TMEM178B: variants seen among roughly 807,000 people sequenced by gnomAD.
TMEM178B encodes the protein transmembrane protein 178B.
In TMEM178B, 5 loss-of-function variants were observed where a neutral mutation model predicts 31.0. The ratio of observed to expected loss-of-function variants is 0.16; its 90% CI spans 0.08 to 0.34. TMEM178B has a LOEUF of 0.34. Among genes scored for constraint, TMEM178B ranks in the 10% least tolerant of loss-of-function variants. TMEM178B has a pLI of 1.00. For missense variants in TMEM178B, 275 were observed against 400.3 expected (o/e 0.69, Z 2.67); for synonymous variants, 164 against 164.0 (o/e 1.00, Z 0.00).
At chr7:141,151,186 G>A (rs1186646234) in intron 1 of TMEM178B, among the ~76,000 whole-genome samples, 1 of 152,208 alleles carries the variant, frequency 6.6e-6, no homozygotes, top group Non-Finnish European at 1.5e-5. Context: ...ATTGTTGAGT[G>A]TACAGCATCC....
the TMEM178B span, among the ~76,000 whole-genome samples, chr7:141,487,358 T>C: frequency 6.6e-6 from 1 of 152,094 alleles, no homozygotes; most frequent in Non-Finnish European, 1.5e-5. Flanking sequence ...AAAGGTCTTC[T>C]GCCCTCTGTA....
chr7:141,454,473 G>C (rs1801924301), intron 3 of TMEM178B, among the ~76,000 whole-genome samples: 1 of 152,040 alleles, frequency 6.6e-6, no homozygotes, highest in Non-Finnish European at 1.5e-5. Context: ...AGCCTTCCTG[G>C]GGTCAGGGCC....
intron 2 of TMEM178B, among the ~76,000 whole-genome samples, chr7:141,402,183 G>A (rs1355565596): frequency 6.6e-6 from 1 of 152,204 alleles, no homozygotes; most frequent in Non-Finnish European, 1.5e-5. Flanking sequence ...TACAAAGGAG[G>A]AGCCGCACAG....
intron 3 of TMEM178B, among the ~76,000 whole-genome samples, chr7:141,452,746 T>C (rs907134886): frequency 2.6e-5 from 4 of 152,192 alleles, no homozygotes; most frequent in African/African-American, 9.7e-5. Context: ...AAAAAAAATA[T>C]CTAGCAGAGA....
chr7:141,182,153 G>T (rs1796539674), intron 1 of TMEM178B, among the ~76,000 whole-genome samples: 1 of 152,018 alleles, frequency 6.6e-6, no homozygotes. Context: ...GGCCTGGACA[G>T]TCAGGGGTCT....
At chr7:141,377,040 T>C (rs1027805731) in intron 2 of TMEM178B, among the ~76,000 whole-genome samples, 3 of 152,000 alleles carry the variant, frequency 2.0e-5, no homozygotes, top group African/African-American at 7.3e-5. Flanking sequence ...AAAAAGAAAA[T>C]ATGCCCTAAG....
intron 2 of TMEM178B, among the ~76,000 whole-genome samples, chr7:141,409,475 C>A (rs1217069645): frequency 6.6e-6 from 1 of 152,160 alleles, no homozygotes; most frequent in Non-Finnish European, 1.5e-5. Flanking sequence ...ATGAGGATGG[C>A]AGTGAGTTGT....
chr7:141,254,996 G>A (rs1797903434), intron 2 of TMEM178B, among the ~76,000 whole-genome samples: 1 of 152,172 alleles, frequency 6.6e-6, no homozygotes, highest in South Asian at 2.1e-4. Context: ...CTGGTTCTCA[G>A]TAGAGGTGAG....
intron 1 of TMEM178B, among the ~76,000 whole-genome samples, chr7:141,204,604 G>A (rs1421622872): frequency 1.3e-5 from 2 of 152,210 alleles, no homozygotes; most frequent in Admixed American, 1.3e-4. Context: ...TGTAAATACA[G>A]CTTGTGGGTG....
chr7:141,357,129 A>G (rs1799833961), intron 2 of TMEM178B, among the ~76,000 whole-genome samples: 2 of 152,252 alleles, frequency 1.3e-5, no homozygotes, highest in South Asian at 4.1e-4. Context: ...ATATCCTCAA[A>G]TGAGGGCTCT....
chr7:141,348,172 T>C lies in TMEM178B; in HGVS notation c.497-89436T>C, dbSNP rs114105418. On this transcript the variant is annotated intron_variant, in intron 2 of 3. Coordinates refer to ENST00000565468, the MANE Select transcript of TMEM178B (RefSeq NM_001195278.2). ...GTTTTACGATAGCGGGTTGGTTTTT[T>C]ATCGTTGTTTCTTGTTGGTTCATTT... Among the ~76,000 whole-genome samples the C allele has an allele frequency of 7.4e-3, 1,131 of 152,350 alleles. 16 individuals carry two copies. The highest frequency in any genetic ancestry group is 0.026 in the African/African-American group (1,076 of 41,576).
intron 2 of TMEM178B, among the ~76,000 whole-genome samples, chr7:141,336,019 A>G (rs1158362321): frequency 2.0e-5 from 3 of 152,184 alleles, no homozygotes; most frequent in Non-Finnish European, 4.4e-5. Flanking sequence ...CCGTCTCACT[A>G]CTGACAATTG....
chr7:141,168,575 G>A (rs764174902), intron 1 of TMEM178B, among the ~76,000 whole-genome samples: 5 of 151,974 alleles, frequency 3.3e-5, no homozygotes, highest in Non-Finnish European at 7.4e-5. Context: ...AGTTTGAGAC[G>A]AGCCTGGCCA....
At chr7:141,429,704 T>C (rs1187146376) in intron 2 of TMEM178B, 1 of 152,236 alleles carries the variant, frequency 6.6e-6, no homozygotes, top group African/African-American at 2.4e-5. Context: ...TACGTGCTCC[T>C]CCCACAAAAG....
At chr7:141,338,702 C>T (rs1799466670) in intron 2 of TMEM178B, among the ~76,000 whole-genome samples, 1 of 152,172 alleles carries the variant, frequency 6.6e-6, no homozygotes. Flanking sequence ...AAACTGTCCC[C>T]CTGGCCAGCC....
At chr7:141,436,195 G>C (rs536379214) in intron 2 of TMEM178B, among the ~76,000 whole-genome samples, 1 of 152,306 alleles carries the variant, frequency 6.6e-6, no homozygotes, top group Admixed American at 6.5e-5. Flanking sequence ...TGGAGGGGAT[G>C]GGACCTGGAC....
At chr7:141,482,514 A>C (rs887222778), downstream of TMEM178B, among the ~76,000 whole-genome samples, 2 of 152,208 alleles carry the variant, frequency 1.3e-5, no homozygotes, top group Non-Finnish European at 2.9e-5. Flanking sequence ...TAAGTGCTCA[A>C]CAGGTGCTTA....
intron 2 of TMEM178B, among the ~76,000 whole-genome samples, chr7:141,232,559 A>G (rs1356065014): frequency 6.6e-6 from 1 of 152,212 alleles, no homozygotes; most frequent in Non-Finnish European, 1.5e-5. Context: ...TCAAATGATC[A>G]GTGATGTTGC....
intron 2 of TMEM178B, among the ~76,000 whole-genome samples, chr7:141,292,964 A>C (rs1798571881): frequency 6.6e-6 from 1 of 151,990 alleles, no homozygotes; most frequent in South Asian, 2.1e-4. Context: ...GAATTCTCTG[A>C]CTACTGCTCT....
Sources: gnomAD v4.1 joint callset for allele counts (sites outside exome capture counted in the v4.1 genomes callset) on GRCh38, gnomAD v4.1.1 for gene constraint, MANE v1.5 for transcripts, NCBI Gene and HGNC (gene_info 2026-07-23, HGNC 2026-07-21) for gene names.